ATRX: variants seen among roughly 807,000 people sequenced by gnomAD.
ATRX encodes the protein chromatin remodeler ATRX.
A neutral mutation model predicts 172.6 loss-of-function variants in ATRX; 12 were observed. The ratio of observed to expected loss-of-function variants is 0.07; its 90% confidence interval spans 0.04 to 0.11. The LOEUF is 0.11. Ranked by LOEUF, ATRX falls within the 10% of genes least tolerant of loss-of-function variation. The pLI, the probability that ATRX is intolerant of heterozygous loss-of-function variation, is 1.00. For missense variants in ATRX, 1,368 were observed against 1,767.4 expected (o/e 0.77, Z 4.05); for synonymous variants, 674 against 594.7 (o/e 1.13, Z -1.94).
intron 30 of ATRX, among the ~76,000 whole-genome samples, chrX:77,548,541 T>C (rs988160093): frequency 7.1e-5 from 8 of 112,146 alleles, no homozygotes; most frequent in African/African-American, 2.6e-4. Context: ...TCATACCCCA[T>C]AGGCTACTAA....
rs782754127 is a variant in ATRX, at chrX:77,696,709, G to C, written c.243-5C>G. The C allele has an allele frequency of 8.4e-7, 1 of 1,190,053 alleles. No individual in the cohort carries two copies. The highest frequency in any genetic ancestry group is 1.1e-6 in the Non-Finnish European group (1 of 876,976). On this transcript the variant is annotated splice_polypyrimidine_tract_variant and splice_region_variant and intron_variant, in intron 4 of 34. Coordinates refer to ENST00000373344, the MANE Select transcript of ATRX (RefSeq NM_000489.6). ...TTTGTTACAATTGAAGGTTTCCTAT[G>C]AAAGAATTAAGTTCATAGAATTATG...
chrX:77,604,859 G>C (rs1462383022), intron 22 of ATRX, among the ~76,000 whole-genome samples: 1 of 111,967 alleles, frequency 8.9e-6, no homozygotes, highest in African/African-American at 3.2e-5. Context: ...TAACATGGAT[G>C]GAACTGGAGG....
chrX:77,608,851 T>C (rs1169246980), intron 22 of ATRX, among the ~76,000 whole-genome samples: 3 of 111,578 alleles, frequency 2.7e-5, no homozygotes, highest in Non-Finnish European at 5.7e-5. Context: ...TGACAAGGGA[T>C]TAATGACCAC....
intron 30 of ATRX, among the ~76,000 whole-genome samples, chrX:77,524,128 ATTATGACT>A (rs1423614606): frequency 5.4e-5 from 6 of 111,975 alleles, no homozygotes; most frequent in Admixed American, 4.8e-4. Flanking sequence ...GCTCTGTTTA[ATTATGACT>A]GTGAGAGTGA....
chrX:77,721,598 G>A (rs2073773156), intron 1 of ATRX, among the ~76,000 whole-genome samples: 1 of 111,110 alleles, frequency 9.0e-6, no homozygotes, highest in African/African-American at 3.3e-5. Context: ...AAAATACCTA[G>A]GAATACAACT....
intron 1 of ATRX, among the ~76,000 whole-genome samples, chrX:77,727,210 G>T (rs782642470): frequency 9.0e-6 from 1 of 111,514 alleles, no homozygotes; most frequent in Admixed American, 9.6e-5. Context: ...GGAGAAATAG[G>T]AACACTTTTA....
chrX:77,773,684 G>A (rs1376403441), intron 1 of ATRX, among the ~76,000 whole-genome samples: 2 of 109,756 alleles, frequency 1.8e-5, no homozygotes, highest in African/African-American at 3.3e-5. Context: ...CCCAGGAGGC[G>A]GAGGCTGCAG....
chrX:77,605,830 T>C (rs1233351602), intron 22 of ATRX, among the ~76,000 whole-genome samples: 1 of 110,643 alleles, frequency 9.0e-6, no homozygotes, highest in Non-Finnish European at 1.9e-5. Context: ...TTTGAAAAGA[T>C]AAACTCAACA....
rs2071393989 is a variant in ATRX at position 77,683,791 on chromosome X, T to C, written c.1465A>G (p.Thr489Ala). Residue 489 changes from threonine to alanine, a missense_variant, in exon 9 of 35, where the codon ACC becomes GCC. By Grantham distance (58) the Thr-to-Ala change is moderately conservative. Transcript: ENST00000373344. ...TCAGATTTCTTATGTTCACCACCGG[T>C]ACTTTTATTTGTTCTTTGTTCCTCT... ...PTEEQRTNKSTGGEHKKSDRK... is the reference protein window; with the variant it reads ...PTEEQRTNKSAGGEHKKSDRK... 2 of 1,210,142 alleles carry C rather than the reference T, an allele frequency of 1.7e-6. No individual in the cohort carries two copies.
chrX:77,768,656 T>C (rs2076054121), intron 1 of ATRX, among the ~76,000 whole-genome samples: 1 of 111,713 alleles, frequency 9.0e-6, no homozygotes, highest in African/African-American at 3.3e-5. Context: ...TAGGCAATTT[T>C]CTTACAAAAT....
intron 34 of ATRX, among the ~76,000 whole-genome samples, chrX:77,513,340 A>T (rs1168983821): frequency 1.8e-5 from 2 of 108,193 alleles, no homozygotes; most frequent in African/African-American, 6.7e-5. Flanking sequence ...AAAAAAAAAA[A>T]AGAATAATGG....
intron 2 of ATRX, among the ~76,000 whole-genome samples, chrX:77,713,563 G>A (rs1289281326): frequency 9.0e-6 from 1 of 111,456 alleles, no homozygotes; most frequent in Non-Finnish European, 1.9e-5. Context: ...TCCAGGTGAG[G>A]CTCCTACTAG....
intron 6 of ATRX, among the ~76,000 whole-genome samples, chrX:77,691,793 G>A (rs781904550): frequency 9.0e-6 from 1 of 111,588 alleles, no homozygotes; most frequent in African/African-American, 3.3e-5. Flanking sequence ...CAGTATTTCA[G>A]ATCACCAATT....
At chrX:77,686,319 T>C (rs2071549999) in intron 7 of ATRX, among the ~76,000 whole-genome samples, 1 of 112,063 alleles carries the variant, frequency 8.9e-6, no homozygotes, top group Admixed American at 9.5e-5. Flanking sequence ...ATGCCATAAA[T>C]ATATACACCT....
At chrX:77,677,746 G>A (rs1288159728) in intron 9 of ATRX, among the ~76,000 whole-genome samples, 6 of 109,386 alleles carry the variant, frequency 5.5e-5, no homozygotes, top group African/African-American at 2.0e-4. Context: ...AAGATATACT[G>A]ATGGATAGAC....
chrX:77,752,295 A>G (rs781997664), intron 1 of ATRX, among the ~76,000 whole-genome samples: 48 of 111,687 alleles, frequency 4.3e-4, no homozygotes, highest in African/African-American at 1.6e-3. Flanking sequence ...ATTGGTACAT[A>G]GGAATGCTTA....
chrX:77,703,964 T>C (rs1557155448), intron 2 of ATRX, among the ~76,000 whole-genome samples: 1 of 110,645 alleles, frequency 9.0e-6, no homozygotes, highest in Non-Finnish European at 1.9e-5. Context: ...AGGCAAGTCG[T>C]TACTACAAGT....
At chrX:77,776,771 G>C (rs1557202519) in intron 1 of ATRX, among the ~76,000 whole-genome samples, 2 of 112,039 alleles carry the variant, frequency 1.8e-5, no homozygotes, top group Non-Finnish European at 3.8e-5. Context: ...ATTGAAAATT[G>C]TACAACAGAT....
intron 30 of ATRX, among the ~76,000 whole-genome samples, chrX:77,556,797 A>T (rs1480978929): frequency 8.9e-6 from 1 of 112,069 alleles, no homozygotes; most frequent in Non-Finnish European, 1.9e-5. Flanking sequence ...TAACTTTCTA[A>T]TCTCCATTTG....
Sources: allele counts gnomAD v4.1 joint callset (sites outside exome capture counted in the v4.1 genomes callset), GRCh38; gene constraint gnomAD v4.1.1; transcripts MANE v1.5; gene names NCBI Gene and HGNC (gene_info 2026-07-23, HGNC 2026-07-21).